MT1M: variants seen among roughly 807,000 people sequenced by gnomAD.
MT1M encodes metallothionein 1M, also known as metallothionein-1M.
MT1M carries 11 observed loss-of-function variants against 8.5 expected under a neutral mutation model. That is an observed-to-expected ratio of 1.29 (90% CI 0.81 to 2.14). The LOEUF (loss-of-function observed/expected upper bound fraction) is 2.14. Ranked by LOEUF, MT1M falls within the 30% of genes most tolerant of loss-of-function variation. MT1M has a pLI of 0.00. For missense variants in MT1M, 84 were observed against 76.6 expected (o/e 1.10, Z -0.36); for synonymous variants, 28 against 30.0 (o/e 0.93, Z 0.22).
chr16:56,633,887 C>T lies in MT1M; in HGVS notation c.*45C>T. 1 of 1,600,310 alleles carries T rather than the reference C, an allele frequency of 6.2e-7. No homozygotes were observed. The highest frequency in any genetic ancestry group is 8.6e-7 in the Non-Finnish European group (1 of 1,169,536). On this transcript the variant is annotated 3_prime_UTR_variant, in exon 3 of 3. Coordinates refer to ENST00000379818, the MANE Select transcript of MT1M (RefSeq NM_176870.3). The stretch of plus-strand genomic sequence containing the variant: ...CCAGATGTTAATAGAACAAGCTGCA[C>T]AACCTGGATTTTTTTTCAATACGAT...
intron 1 of MT1M, among the ~76,000 whole-genome samples, chr16:56,632,981 T>A (rs1960308938): frequency 6.6e-6 from 1 of 152,188 alleles, no homozygotes. Flanking sequence ...CCGCTCCACA[T>A]CACCCAGTTG....
Position 56,633,736 on chromosome 16 carries a change from C to A in MT1M, c.95-15C>A, listed in dbSNP as rs371079700. ...GTCAAGTCTACTGCTACCTCTCTCT[C>A]CCCTTCTTCCCCAGGCTGCTGCTCC... is the stretch of plus-strand genomic sequence containing the variant. On this transcript the variant is annotated splice_polypyrimidine_tract_variant and intron_variant, in intron 2 of 2. Transcript: ENST00000379818. The A allele has an allele frequency of 1.4e-4, 234 of 1,613,940 alleles. No homozygotes were observed. Among genetic ancestry groups the A allele is most frequent in the Non-Finnish European group, 1.9e-4 (227 of 1,179,954 alleles).
chr16:56,632,853 G>A (rs1457276522), intron 1 of MT1M, 94 bp downstream of exon 1: 4 of 1,504,670 alleles, frequency 2.7e-6, no homozygotes, highest in Non-Finnish European at 3.7e-6. Context: ...TAAGTTCTGA[G>A]CGGAAGGGAA....
chr16:56,633,689 T>C, intron 2 of MT1M, 62 bp from the exon 3 acceptor site: 3 of 1,607,562 alleles, frequency 1.9e-6, no homozygotes, highest in Non-Finnish European at 2.6e-6. Flanking sequence ...CCAGGCTTGC[T>C]ATTGGGGCAG....
intron 1 of MT1M, 107 bp from the exon 2 acceptor site, chr16:56,633,233 C>A (rs1311017639): frequency 4.4e-5 from 68 of 1,529,088 alleles, no homozygotes; most frequent in Non-Finnish European, 5.8e-5. Context: ...GAAAGGAGCT[C>A]TGAGGGCTGG....
chr16:56,633,045 A>G (rs1960309711), intron 1 of MT1M, among the ~76,000 whole-genome samples: 3 of 152,194 alleles, frequency 2.0e-5, no homozygotes, highest in Admixed American at 2.0e-4. Flanking sequence ...CTGAGCAATC[A>G]GGGTGGACTG....
intron 2 of MT1M, 134 bp from the exon 3 acceptor site, chr16:56,633,617 T>C: frequency 6.2e-7 from 1 of 1,601,022 alleles, no homozygotes; most frequent in African/African-American, 1.3e-5. Context: ...GCATCTATGG[T>C]TTCAGAACAG....
chr16:56,633,393 T>C lies in MT1M; in HGVS notation c.82T>C (p.Ser28Pro). ...SCTCKECKCT[S>P]CKKSCCSCCP... Reference sequence around the variant, plus strand: ...CACGTGCAAAGAGTGCAAATGCACCTCCTGCAAGAAGAGTGAGTGCGGGGC... The same window carrying C: ...CACGTGCAAAGAGTGCAAATGCACCCCCTGCAAGAAGAGTGAGTGCGGGGC... The change falls in exon 2 of 3, where the codon TCC becomes CCC. Residue 28 changes from serine to proline, a missense_variant. Transcript: ENST00000379818. 6.2e-7 allele frequency: 1 copy of C among 1,614,204 alleles called. No homozygotes were observed. Among genetic ancestry groups the C allele is most frequent in the Non-Finnish European group, 8.5e-7 (1 of 1,180,040 alleles).
In MT1M at chr16:56,633,360, G is replaced by A. The variant is rs568220625; in HGVS notation, c.49G>A (p.Gly17Ser). 15 of 1,614,184 alleles carry A rather than the reference G, an allele frequency of 9.3e-6. No individual in the cohort carries two copies. The highest frequency in any genetic ancestry group is 8.9e-5 in the East Asian group (4 of 44,870). ...CTTGVSCACT[G>S]SCTCKECKCT... The stretch of plus-strand genomic sequence containing the variant: ...TGCAGGTGTCTCCTGCGCCTGCACC[G>A]GCTCCTGCACGTGCAAAGAGTGCAA... Residue 17 changes from glycine (G) to serine (S), a missense_variant, in exon 2 of 3, where the codon GGC becomes AGC. Gly to Ser is a moderately conservative substitution (Grantham distance 56, BLOSUM62 0). Coordinates refer to ENST00000379818, the MANE Select transcript of MT1M (RefSeq NM_176870.3).
rs1827210 is a variant in MT1M at position 56,633,370 on chromosome 16, C to G, written c.59C>G (p.Thr20Arg). 1 of 1,613,948 alleles carries G rather than the reference C, an allele frequency of 6.2e-7. No homozygotes were observed. The highest frequency in any genetic ancestry group is 8.5e-7 in the Non-Finnish European group (1 of 1,180,022). Residue 20 changes from threonine (T) to arginine (R), a missense_variant, in exon 2 of 3, where the codon ACG becomes AGG. By Grantham distance (71) the Thr-to-Arg change is moderately conservative. Transcript: ENST00000379818. ...TCCTGCGCCTGCACCGGCTCCTGCACGTGCAAAGAGTGCAAATGCACCTCC... is the reference window on the plus strand; with the variant it reads ...TCCTGCGCCTGCACCGGCTCCTGCAGGTGCAAAGAGTGCAAATGCACCTCC... ...GVSCACTGSCTCKECKCTSCK... is the reference protein window; with the variant it reads ...GVSCACTGSCRCKECKCTSCK...
intron 1 of MT1M, 136 bp downstream of exon 1, chr16:56,632,895 A>G (rs1475318431): frequency 1.7e-6 from 2 of 1,180,470 alleles, no homozygotes; most frequent in Non-Finnish European, 2.5e-6. Flanking sequence ...TTTCTTCCTG[A>G]TCTCCCCTCT....
chr16:56,633,704 G>T, intron 2 of MT1M, 47 bp from the exon 3 acceptor site: 6 of 1,610,832 alleles, frequency 3.7e-6, no homozygotes, highest in Non-Finnish European at 5.1e-6. Flanking sequence ...GGGCAGGGCG[G>T]TGCCCGGTCA....
rs1349339526 is a variant in MT1M, at chr16:56,633,774, G to A, written c.118G>A (p.Gly40Ser). Residue 40 changes from glycine (G) to serine (S), a missense_variant, in exon 3 of 3, where the codon GGC becomes AGC. Coordinates refer to ENST00000379818, the MANE Select transcript of MT1M (RefSeq NM_176870.3). ...KKSCCSCCPV[G>S]CAKCAHGCVC... ...AGGCTGCTGCTCCTGCTGCCCCGTG[G>A]GCTGTGCCAAGTGTGCCCACGGCTG... 2.5e-6 allele frequency: 4 copies of A among 1,614,030 alleles called. No individual in the cohort carries two copies. Among genetic ancestry groups the A allele is most frequent in the Non-Finnish European group, 3.4e-6 (4 of 1,180,044 alleles).
At chr16:56,633,448 G>A in intron 2 of MT1M, 43 bp downstream of exon 2, 1 of 1,614,260 alleles carries the variant, frequency 6.2e-7, no homozygotes, top group Non-Finnish European at 8.5e-7. Context: ...CTGTGGCTGA[G>A]ATTGGGAGGG....
intron 1 of MT1M, 27 bp from the exon 2 acceptor site, chr16:56,633,313 C>T (rs1409714206): frequency 5.0e-6 from 8 of 1,614,070 alleles, no homozygotes; most frequent in Non-Finnish European, 6.8e-6. Flanking sequence ...TCACTCACTG[C>T]CCACTGCGTT....
At position 56,632,666 on chromosome 16, in the gene MT1M, C is replaced by G. The variant is rs533167394; in HGVS notation, c.-66C>G. ...CGCAGGCTGTGGCGCTCCACCACGC[C>G]GTCCGGGTGGGCCTAGCAGTCGCTC... On this transcript the variant is annotated 5_prime_UTR_variant, in exon 1 of 3. Coordinates refer to ENST00000379818, the MANE Select transcript of MT1M (RefSeq NM_176870.3). 3 of 1,602,490 alleles carry G rather than the reference C, an allele frequency of 1.9e-6. No homozygotes were observed. The highest frequency in any genetic ancestry group is 2.2e-5 in the East Asian group (1 of 44,820).
At chr16:56,633,481 C>T (rs1960318270) in intron 2 of MT1M, 76 bp downstream of exon 2, 1 of 1,613,860 alleles carries the variant, frequency 6.2e-7, no homozygotes, top group Admixed American at 1.7e-5. Context: ...GCCCTGAGTG[C>T]ATCCTTCTGG....
chr16:56,633,082 G>A (rs749131032), intron 1 of MT1M, among the ~76,000 whole-genome samples: 1 of 152,198 alleles, frequency 6.6e-6, no homozygotes, highest in Non-Finnish European at 1.5e-5. Context: ...GAGTCTTCAG[G>A]GTTCAGCACA....
chr16:56,633,018 G>A (rs1337362763), intron 1 of MT1M, among the ~76,000 whole-genome samples: 1 of 152,236 alleles, frequency 6.6e-6, no homozygotes, highest in Admixed American at 6.5e-5. Context: ...CTGGGCCCCA[G>A]TGTTCTCCTC....
Sources: allele counts gnomAD v4.1 joint callset (sites outside exome capture counted in the v4.1 genomes callset), GRCh38; gene constraint gnomAD v4.1.1; transcripts MANE v1.5; gene names NCBI Gene and HGNC (gene_info 2026-07-23, HGNC 2026-07-21).